Variants in NKAIN2 observed in about 807,000 individuals in gnomAD.
NKAIN2 encodes the protein sodium/potassium transporting ATPase interacting 2.
In NKAIN2, 14 loss-of-function variants were observed where a neutral mutation model predicts 32.6. The ratio of observed to expected loss-of-function variants is 0.43; its 90% CI spans 0.28 to 0.67. NKAIN2 has a LOEUF of 0.67. Ranked by LOEUF, NKAIN2 falls within the 30% of genes least tolerant of loss-of-function variation. The probability of loss-of-function intolerance (pLI) is 0.17; values close to 1 mark genes in which losing one functional copy is unlikely to be tolerated. For synonymous variants in NKAIN2, 80 were observed against 87.2 expected (o/e 0.92, Z 0.46); for missense variants, 198 against 258.3 (o/e 0.77, Z 1.60).
In NKAIN2 at chr6:124,205,586, AG is replaced by A. The variant is rs1030777400; in HGVS notation, c.55-77418del. On this transcript the variant is annotated intron_variant, in intron 1 of 6. Transcript: ENST00000368417. ...AATAGATTATTCTTCTCAATTTTAG[AG>A]TCTGCATATAAACAAAACTTCTATT... 5.2e-4 allele frequency among the ~76,000 whole-genome samples: 79 copies of A among 151,728 alleles called. 1 individual carries two copies. The highest frequency in any genetic ancestry group is 3.4e-3 in the Middle Eastern group (1 of 294).
At chr6:123,839,621 C>G (rs952048707) in intron 1 of NKAIN2, among the ~76,000 whole-genome samples, 23 of 152,158 alleles carry the variant, frequency 1.5e-4, no homozygotes, top group Admixed American at 7.9e-4. Context: ...TAACTACCCT[C>G]TCTCCCACCT....
intron 3 of NKAIN2, among the ~76,000 whole-genome samples, chr6:124,403,071 A>T (rs1176836333): frequency 1.3e-5 from 2 of 151,624 alleles, no homozygotes; most frequent in African/African-American, 4.8e-5. Flanking sequence ...TTGTATCAGA[A>T]TTACGTTGAT....
At chr6:124,088,334 T>A (rs780176451) in intron 1 of NKAIN2, among the ~76,000 whole-genome samples, 89 of 152,042 alleles carry the variant, frequency 5.9e-4, no homozygotes, top group Middle Eastern at 3.4e-3. Context: ...GACAAAAGGA[T>A]AATTTGAGCC....
intron 1 of NKAIN2, among the ~76,000 whole-genome samples, chr6:124,138,647 TTAA>T (rs1285625354): frequency 9.1e-6 from 1 of 110,300 alleles, no homozygotes; most frequent in African/African-American, 3.7e-5. Context: ...ATAATTATTA[TTAA>T]TAATTATGTT....
At chr6:123,988,131 T>C (rs1779229641) in intron 1 of NKAIN2, among the ~76,000 whole-genome samples, 1 of 152,196 alleles carries the variant, frequency 6.6e-6, no homozygotes, top group African/African-American at 2.4e-5. Context: ...TCAGCTGTGA[T>C]TGATTCCCTA....
intron 4 of NKAIN2, among the ~76,000 whole-genome samples, chr6:124,771,229 T>C (rs1778737986): frequency 6.6e-6 from 1 of 152,208 alleles, no homozygotes; most frequent in Admixed American, 6.5e-5. Context: ...TGGATATGTC[T>C]TATTTAGTTT....
At chr6:123,851,090 A>G (rs1418625237) in intron 1 of NKAIN2, among the ~76,000 whole-genome samples, 5 of 151,936 alleles carry the variant, frequency 3.3e-5, no homozygotes, top group African/African-American at 2.4e-5. Context: ...TCCAGTCATC[A>G]TCCATTGATG....
chr6:124,228,189 C>T (rs947344432), intron 1 of NKAIN2, among the ~76,000 whole-genome samples: 6 of 152,154 alleles, frequency 3.9e-5, no homozygotes, highest in African/African-American at 1.4e-4. Flanking sequence ...ACCTAAACTT[C>T]AGTTTGATGG....
intron 1 of NKAIN2, among the ~76,000 whole-genome samples, chr6:124,129,933 T>G (rs1178300335): frequency 6.6e-6 from 1 of 152,176 alleles, no homozygotes; most frequent in Non-Finnish European, 1.5e-5. Flanking sequence ...GAGCAATTTT[T>G]TAAACTTTTT....
intron 4 of NKAIN2, among the ~76,000 whole-genome samples, chr6:124,713,863 ATGT>A (rs914748452): frequency 2.6e-5 from 4 of 152,222 alleles, no homozygotes; most frequent in African/African-American, 4.8e-5. Flanking sequence ...ATTCAAGGAA[ATGT>A]TGTCTGGCCA....
At chr6:124,582,804 A>C (rs1781570896) in intron 3 of NKAIN2, among the ~76,000 whole-genome samples, 1 of 152,216 alleles carries the variant, frequency 6.6e-6, no homozygotes, top group Admixed American at 6.5e-5. Flanking sequence ...CAGGGATGCA[A>C]AAATGGTTTG....
rs188932061 is a variant in NKAIN2 at position 124,287,936 on chromosome 6, C to T, written c.192+4794C>T. ...AAAACAAATGTTGCTGTGTAACATG[C>T]CAAAAATAAATTATTTCTCCCCCCC... On this transcript the variant is annotated intron_variant, in intron 2 of 6. Transcript: ENST00000368417. 2.1e-3 allele frequency among the ~76,000 whole-genome samples: 311 copies of T among 144,864 alleles called. 2 individuals carry two copies. Among genetic ancestry groups the T allele is most frequent in the African/African-American group, 8.7e-3 (307 of 35,454 alleles).
intron 1 of NKAIN2, among the ~76,000 whole-genome samples, chr6:123,961,291 CT>C (rs1305144835): frequency 6.6e-6 from 1 of 152,178 alleles, no homozygotes; most frequent in Admixed American, 6.5e-5. Context: ...GCCTTTCTTG[CT>C]GTATACTACG....
chr6:124,267,582 A>C (rs1169585658), intron 1 of NKAIN2, among the ~76,000 whole-genome samples: 1 of 152,086 alleles, frequency 6.6e-6, no homozygotes, highest in Non-Finnish European at 1.5e-5. Flanking sequence ...GGTATAATAC[A>C]GTGGATATAT....
At chr6:124,136,057 C>T (rs756801607) in intron 1 of NKAIN2, among the ~76,000 whole-genome samples, 1 of 150,792 alleles carries the variant, frequency 6.6e-6, no homozygotes, top group Non-Finnish European at 1.5e-5. Context: ...GAAATGGAAA[C>T]AAAAAAACAC....
At chr6:124,143,296 G>A (rs1787230941) in intron 1 of NKAIN2, among the ~76,000 whole-genome samples, 1 of 152,084 alleles carries the variant, frequency 6.6e-6, no homozygotes, top group Non-Finnish European at 1.5e-5. Context: ...CACGTCTACA[G>A]AAAAATTTTA....
At chr6:123,863,417 A>G (rs906771067) in intron 1 of NKAIN2, among the ~76,000 whole-genome samples, 2 of 152,142 alleles carry the variant, frequency 1.3e-5, no homozygotes, top group Non-Finnish European at 1.5e-5. Context: ...TTACCACCTT[A>G]TCTTTTATAC....
chr6:124,141,153 G>A (rs566921195), intron 1 of NKAIN2, among the ~76,000 whole-genome samples: 2 of 152,228 alleles, frequency 1.3e-5, no homozygotes, highest in African/African-American at 4.8e-5. Flanking sequence ...CAAAGATAGT[G>A]GAAGCAATTG....
intron 1 of NKAIN2, among the ~76,000 whole-genome samples, chr6:124,085,890 A>G (rs1784170958): frequency 6.6e-6 from 1 of 151,902 alleles, no homozygotes; most frequent in Non-Finnish European, 1.5e-5. Flanking sequence ...CATATCTTCT[A>G]CTTAATTTTT....
Sources: allele counts gnomAD v4.1 joint callset (sites outside exome capture counted in the v4.1 genomes callset), GRCh38; gene constraint gnomAD v4.1.1; transcripts MANE v1.5; gene names NCBI Gene and HGNC (gene_info 2026-07-23, HGNC 2026-07-21).